ARSD: variants seen among roughly 807,000 people sequenced by gnomAD.
ARSD encodes arylsulfatase D.
Under a neutral mutation model 32.6 loss-of-function variants are expected in ARSD, and 21 were observed. The observed-to-expected ratio is 0.64, with a 90% CI of 0.46 to 0.93. The LOEUF (loss-of-function observed/expected upper bound fraction) is 0.93, where lower values mean the gene tolerates loss of function less well. Among genes scored for constraint, ARSD ranks in the 40% least tolerant of loss-of-function variants. The pLI is 0.00. For synonymous variants in ARSD, 224 were observed against 237.4 expected, an observed-to-expected ratio of 0.94 and a Z score of 0.52; for missense variants, 454 against 520.9, an observed-to-expected ratio of 0.87 and a Z score of 1.25.
Position 2,907,602 on chromosome X carries a change from G to T in ARSD, c.1451C>A (p.Thr484Asn), listed in dbSNP as rs765775367. Residue 484 changes from threonine (T) to asparagine (N), a missense_variant, in exon 10 of 10, where the codon ACC (threonine) becomes AAC (asparagine). This residue lies in a region of ARSD where 179 missense variants were observed against 198.5 expected (regional missense o/e 0.90). Coordinates refer to ENST00000381154, the MANE Select transcript of ARSD (RefSeq NM_001669.4). ...CGCTCCCTCGGGGTGGAACTGCGGG[G>T]TCGTGTAATGAACCTTCCAGACGCT... ...SGSVWKVHYT[T>N]PQFHPEGAGA... 7 of 1,113,571 alleles carry T rather than the reference G, an allele frequency of 6.3e-6. No individual in the cohort carries two copies. In the Admixed American group the frequency reaches 2.4e-4, roughly 38 times the overall value. 91.8% of individuals were successfully genotyped at this position (1,113,571 alleles called of 1,213,427 possible).
In ARSD at chrX:2,908,231, T is replaced by TTATCTATCTATCTATCTATCTATCTATC. The variant is rs201024911; in HGVS notation, c.1420+489_1420+490insGATAGATAGATAGATAGATAGATAGATA. Among the ~76,000 whole-genome samples, 325 of 110,082 alleles carry TTATCTATCTATCTATCTATCTATCTATC rather than the reference T, an allele frequency of 3.0e-3. 1 individual carries two copies. Among genetic ancestry groups the TTATCTATCTATCTATCTATCTATCTATC allele is most frequent in the African/African-American group, 9.7e-3 (288 of 29,586 alleles). The stretch of plus-strand genomic sequence containing the variant: ...TCCATCCATGAACTGATTCTACTTT[T>TTATCTATCTATCTATCTATCTATCTATC]TATCTATCTATCTATCTATCATCTA... On this transcript the variant is annotated intron_variant, in intron 9 of 9. Transcript: ENST00000381154.
chrX:2,906,463 C>T lies in ARSD; in HGVS notation c.*808G>A, dbSNP rs752241223. On this transcript the variant is annotated 3_prime_UTR_variant, in exon 10 of 10. Transcript: ENST00000381154. ...GGCTTTGTTTAAGGCATTCTTTTTC[C>T]GCAGCATCTGTTACCAGCAGCCTGA... 1.8e-4 allele frequency: 20 copies of T among 111,356 alleles called. No individual in the cohort carries two copies. The highest frequency in any genetic ancestry group is 3.0e-4 in the Non-Finnish European group (16 of 53,078). The allele number at this position is 111,356 out of a possible 1,213,427, so 9.2% of individuals were successfully genotyped here.
At chrX:2,911,240 GT>G (rs2088898158) in intron 6 of ARSD, among the ~76,000 whole-genome samples, 1 of 111,291 alleles carries the variant, frequency 9.0e-6, no homozygotes, top group Non-Finnish European at 1.9e-5. Flanking sequence ...GGTGTGGGGG[GT>G]GCACGCCTGT....
intron 8 of ARSD, 133 bp downstream of exon 8, chrX:2,909,683 CA>C (rs751282477): frequency 0.19 from 48,002 of 254,731 alleles, 67 homozygotes; most frequent in East Asian, 0.29. Context: ...GACTCTGTCT[CA>C]AAAAAAAAAA....
intron 1 of ARSD, among the ~76,000 whole-genome samples, chrX:2,927,924 CAAG>C (rs903418486): frequency 8.9e-6 from 1 of 111,937 alleles, no homozygotes; most frequent in African/African-American, 3.2e-5. Context: ...TATTTGGACC[CAAG>C]AAGATTATGT....
intron 1 of ARSD, among the ~76,000 whole-genome samples, chrX:2,928,446 C>T (rs1198472693): frequency 1.4e-5 from 1 of 71,948 alleles, no homozygotes; most frequent in African/African-American, 5.6e-5. Context: ...GGACGGGGCG[C>T]GTCTTAGTGG....
intron 5 of ARSD, among the ~76,000 whole-genome samples, chrX:2,917,546 T>C (rs1388606201): frequency 2.7e-5 from 3 of 110,859 alleles, no homozygotes; most frequent in Non-Finnish European, 3.8e-5. Flanking sequence ...TGATCATTGC[T>C]TACTGCAGCC....
chrX:2,929,207 G>C (rs1019292179), intron 1 of ARSD, 25 bp downstream of exon 1: 1 of 1,040,350 alleles, frequency 9.6e-7, no homozygotes, highest in Non-Finnish European at 1.2e-6. Flanking sequence ...CCTTAGTATG[G>C]GCCGCGTCCC....
At chrX:2,907,853 G>A in intron 9 of ARSD, 13 of 954,013 alleles carry the variant, frequency 1.4e-5, no homozygotes, top group Non-Finnish European at 1.7e-5. Flanking sequence ...TCTCTGCATT[G>A]CATGCCCCAG....
chrX:2,924,437 T>C (rs1376665314), intron 2 of ARSD, among the ~76,000 whole-genome samples: 1 of 113,653 alleles, frequency 8.8e-6, no homozygotes, highest in Non-Finnish European at 1.9e-5. Context: ...GAAAAGCAGA[T>C]GCAGCCTGCA....
Position 2,908,827 on chromosome X carries a change from G to T in ARSD, c.1314C>A (p.His438Gln), listed in dbSNP as rs2088877696. Residue 438 changes from histidine (H) to glutamine (Q), a missense_variant, in exon 9 of 10, where the codon CAC becomes CAA. This residue lies in a region of ARSD where 179 missense variants were observed against 198.5 expected (regional missense o/e 0.90). Transcript: ENST00000381154. ...CTCCCTGCAGCAAGGGTACCAGGCT[G>T]TGGCCATCAATCACCCTGATTTCAT... ...EVPQDRVIDG[H>Q]SLVPLLQGAE... is the part of the protein sequence containing the mutation. 1 of 1,209,031 alleles carries T rather than the reference G, an allele frequency of 8.3e-7. No individual in the cohort carries two copies. The highest frequency in any genetic ancestry group is 2.2e-5 in the Admixed American group (1 of 45,575).
Position 2,914,266 on chromosome X carries a change from G to C in ARSD, c.1000+1290C>G, listed in dbSNP as rs140365417. 241 of 710,017 alleles carry C rather than the reference G, an allele frequency of 3.4e-4. 1 individual carries two copies. In the African/African-American group the frequency reaches 5.6e-3, roughly 17 times the overall value. The allele number at this position is 710,017 out of a possible 1,213,427, so 58.5% of individuals were successfully genotyped here. A position where few individuals can be genotyped will look rare whatever the true frequency, so the allele number is the denominator to read the frequency against. On this transcript the variant is annotated intron_variant, in intron 6 of 9. Transcript: ENST00000381154. Reference sequence around the variant, plus strand: ...TTTTTTGGAGACAGGGTCTTGCTATGTGGCCCAGGCTGGAGTTCAGTGGTG... The same window carrying C: ...TTTTTTGGAGACAGGGTCTTGCTATCTGGCCCAGGCTGGAGTTCAGTGGTG...
At chrX:2,908,052 TTATC>T in intron 9 of ARSD, 2 of 514,365 alleles carry the variant, frequency 3.9e-6, no homozygotes, top group South Asian at 1.0e-4. Context: ...CGCTACCTAT[TTATC>T]TATTTATCTA....
At chrX:2,917,689 C>G (rs1439702664) in intron 5 of ARSD, 115 bp downstream of exon 5, 5 of 764,424 alleles carry the variant, frequency 6.5e-6, no homozygotes, top group Non-Finnish European at 9.2e-6. Flanking sequence ...CCAAGCTAGT[C>G]TAAAGCACCT....
intron 6 of ARSD, chrX:2,914,210 T>A: frequency 1.3e-6 from 1 of 753,991 alleles, no homozygotes; most frequent in East Asian, 1.5e-4. Flanking sequence ...GAGAAGTTTT[T>A]CTCCCTATTC....
chrX:2,917,046 C>A, intron 5 of ARSD, among the ~76,000 whole-genome samples: 2 of 83,714 alleles, frequency 2.4e-5, no homozygotes, highest in African/African-American at 4.7e-5. Context: ...CAGCTTGGGC[C>A]ATATAGTGAG....
chrX:2,927,364 A>G (rs1397913246), intron 1 of ARSD, among the ~76,000 whole-genome samples: 1 of 110,341 alleles, frequency 9.1e-6, no homozygotes, highest in Non-Finnish European at 1.9e-5. Flanking sequence ...GGTTCAAGCG[A>G]TTCTCCTGTC....
At position 2,917,917 on chromosome X, in the gene ARSD, A is replaced by G; in HGVS notation, c.750T>C (p.Phe250=). Residue 250 remains phenylalanine, a synonymous_variant, in exon 5 of 10, where the codon TTT becomes TTC. Coordinates refer to ENST00000381154, the MANE Select transcript of ARSD (RefSeq NM_001669.4). Reference sequence around the variant, plus strand: ...TCAGGATACAGTTCCAGCGTCGCACAAACCCGAAGGAGGAGTACCAAGAGA... The same window carrying G: ...TCAGGATACAGTTCCAGCGTCGCACGAACCCGAAGGAGGAGTACCAAGAGA... ...FFISWYSSFG[F]VRRWNCILMR... The G allele has an allele frequency of 8.2e-7, 1 of 1,212,241 alleles. No homozygotes were observed. Among genetic ancestry groups the G allele is most frequent in the Non-Finnish European group, 1.1e-6 (1 of 895,533 alleles).
intron 7 of ARSD, 79 bp downstream of exon 7, chrX:2,910,580 A>C (rs1195215327): frequency 2.4e-5 from 28 of 1,178,450 alleles, no homozygotes; most frequent in Non-Finnish European, 3.1e-5. Context: ...ACTCATTTTC[A>C]GTTCAACTTG....
Sources: gnomAD v4.1 joint callset for allele counts (sites outside exome capture counted in the v4.1 genomes callset) on GRCh38, gnomAD v4.1.1 for gene constraint, gnomAD v4.1.1 regional missense constraint, MANE v1.5 for transcripts, NCBI Gene and HGNC (gene_info 2026-07-23, HGNC 2026-07-21) for gene names.